Variants in DAB1 observed in about 807,000 individuals in gnomAD.
The protein encoded by DAB1 is DAB adaptor protein 1.
DAB1 carries 15 observed loss-of-function variants against 64.6 expected under a neutral mutation model. The observed-to-expected ratio is 0.23, with a 90% CI of 0.16 to 0.36. DAB1 has a LOEUF of 0.36. Ranked by LOEUF, DAB1 falls within the 10% of genes least tolerant of loss-of-function variation. The pLI is 1.00. For synonymous variants in DAB1, 235 were observed against 251.9 expected (o/e 0.93, Z 0.64); for missense variants, 596 against 706.7 (o/e 0.84, Z 1.78).
intron 1 of DAB1, among the ~76,000 whole-genome samples, chr1:58,539,838 A>C (rs113268515): frequency 2.0e-5 from 3 of 152,294 alleles, no homozygotes; most frequent in African/African-American, 7.2e-5. Flanking sequence ...GGTGGAGCCC[A>C]GTGGTTCCCC....
chr1:57,221,658 T>A (rs1341664638), intron 2 of DAB1, among the ~76,000 whole-genome samples: 1 of 152,152 alleles, frequency 6.6e-6, no homozygotes, highest in Non-Finnish European at 1.5e-5. Context: ...GAGAATAACA[T>A]CATGAGGATA....
At chr1:57,490,539 C>A (rs1644148972) in intron 7 of DAB1, among the ~76,000 whole-genome samples, 1 of 152,002 alleles carries the variant, frequency 6.6e-6, no homozygotes, top group Non-Finnish European at 1.5e-5. Context: ...AAAAAAAAAT[C>A]TCAACCCGTA....
intron 3 of DAB1, among the ~76,000 whole-genome samples, chr1:58,370,374 CGTGTGTGTGTGTGTGTGTGT>C (rs67230027): frequency 0.029 from 4,138 of 144,564 alleles, 154 homozygotes; most frequent in East Asian, 0.18. Context: ...TGAGTGTGTG[CGTGTGTGTGTGTGTGTGTGT>C]GTGTGTGTGT....
At chr1:57,196,352 T>C (rs750134043) in intron 2 of DAB1, among the ~76,000 whole-genome samples, 1 of 152,224 alleles carries the variant, frequency 6.6e-6, no homozygotes, top group African/African-American at 2.4e-5. Context: ...GAGCTGGACA[T>C]GAGGCTGCCA....
intron 4 of DAB1, among the ~76,000 whole-genome samples, chr1:58,173,351 G>A (rs1408791931): frequency 6.6e-6 from 1 of 152,090 alleles, no homozygotes; most frequent in Non-Finnish European, 1.5e-5. Flanking sequence ...CCATTCAGAT[G>A]GCTTGTCCGC....
chr1:57,167,119 T>C (rs1661276560), intron 2 of DAB1, among the ~76,000 whole-genome samples: 1 of 152,108 alleles, frequency 6.6e-6, no homozygotes. Flanking sequence ...GGAATATAAG[T>C]CTCTCACCCA....
intron 5 of DAB1, among the ~76,000 whole-genome samples, chr1:57,931,348 G>A (rs1373721862): frequency 1.3e-5 from 2 of 152,148 alleles, no homozygotes; most frequent in Non-Finnish European, 2.9e-5. Flanking sequence ...TAATTTTGGT[G>A]TTGGGGTAAT....
At chr1:57,335,734 A>T (rs565637047) in intron 1 of DAB1, among the ~76,000 whole-genome samples, 1 of 152,342 alleles carries the variant, frequency 6.6e-6, no homozygotes, top group African/African-American at 2.4e-5. Flanking sequence ...TGAGGATTAA[A>T]AGGTCGAGAA....
intron 5 of DAB1, among the ~76,000 whole-genome samples, chr1:58,016,461 A>G (rs1277428114): frequency 6.6e-6 from 1 of 152,182 alleles, no homozygotes; most frequent in Non-Finnish European, 1.5e-5. Context: ...TGCATGAACA[A>G]CTATTCTCCC....
At chr1:57,856,886 G>T (rs1653780239) in intron 1 of DAB1, among the ~76,000 whole-genome samples, 1 of 152,190 alleles carries the variant, frequency 6.6e-6, no homozygotes. Context: ...GATACACTCA[G>T]GGTCGGAAAT....
At chr1:57,850,037 G>C (rs1305286027) in intron 1 of DAB1, among the ~76,000 whole-genome samples, 1 of 152,172 alleles carries the variant, frequency 6.6e-6, no homozygotes, top group Non-Finnish European at 1.5e-5. Context: ...TGTTGACATA[G>C]GTGGGGATAC....
intron 5 of DAB1, among the ~76,000 whole-genome samples, chr1:57,961,053 T>A (rs796649248): frequency 1.3e-5 from 2 of 152,136 alleles, no homozygotes; most frequent in Non-Finnish European, 2.9e-5. Flanking sequence ...ATTTGAAAAA[T>A]TGAGATAATA....
chr1:57,444,872 T>G (rs1686079102), intron 7 of DAB1, among the ~76,000 whole-genome samples: 1 of 152,220 alleles, frequency 6.6e-6, no homozygotes, highest in Admixed American at 6.5e-5. Flanking sequence ...GTCACCGTGT[T>G]TGTGGTAGTT....
intron 3 of DAB1, among the ~76,000 whole-genome samples, chr1:58,348,618 G>A (rs1416204939): frequency 2.0e-5 from 3 of 152,130 alleles, no homozygotes; most frequent in Non-Finnish European, 4.4e-5. Context: ...TTATCCTCCT[G>A]TGGCCCTGAT....
At chr1:58,001,724 G>C (rs1174446478) in intron 5 of DAB1, among the ~76,000 whole-genome samples, 1 of 152,170 alleles carries the variant, frequency 6.6e-6, no homozygotes, top group Non-Finnish European at 1.5e-5. Context: ...GTTTCTGACT[G>C]TGGTAGGCAG....
intron 6 of DAB1, among the ~76,000 whole-genome samples, chr1:57,744,084 C>T (rs1426282783): frequency 6.6e-6 from 1 of 152,188 alleles, no homozygotes; most frequent in Non-Finnish European, 1.5e-5. Flanking sequence ...ATTATGGATA[C>T]GTCACAGTGC....
intron 5 of DAB1, among the ~76,000 whole-genome samples, chr1:58,044,852 TATA>T (rs1323709071): frequency 6.6e-6 from 1 of 152,164 alleles, no homozygotes; most frequent in Admixed American, 6.5e-5. Flanking sequence ...ATAACAAATA[TATA>T]ATAATAATCT....
intron 1 of DAB1, among the ~76,000 whole-genome samples, chr1:57,393,730 A>G (rs563099): frequency 0.41 from 62,416 of 151,926 alleles, 13,395 homozygotes; most frequent in African/African-American, 0.47. Context: ...CTGGATGGGC[A>G]ATTGCTGTTT....
chr1:58,490,774 TG>T (rs1478633863), intron 3 of DAB1, among the ~76,000 whole-genome samples: 2 of 122,976 alleles, frequency 1.6e-5, no homozygotes, highest in African/African-American at 5.9e-5. Flanking sequence ...CAGAAGAGAG[TG>T]GGGGCCAATA....
Sources: gnomAD v4.1 joint callset for allele counts (sites outside exome capture counted in the v4.1 genomes callset) on GRCh38, gnomAD v4.1.1 for gene constraint, MANE v1.5 for transcripts, NCBI Gene and HGNC (gene_info 2026-07-23, HGNC 2026-07-21) for gene names.